MYO1H: variants seen among roughly 807,000 people sequenced by gnomAD.
MYO1H encodes myosin IH.
MYO1H carries 118 observed loss-of-function variants against 149.3 expected under a neutral mutation model. The ratio of observed to expected loss-of-function variants is 0.79; its 90% CI spans 0.68 to 0.92. The LOEUF (loss-of-function observed/expected upper bound fraction) is 0.92. Ranked by LOEUF, MYO1H falls within the 40% of genes least tolerant of loss-of-function variation. The pLI is 0.00. For missense variants in MYO1H, 1,212 were observed against 1,280.7 expected (o/e 0.95, Z 0.82); for synonymous variants, 447 against 465.2 (o/e 0.96, Z 0.50).
intron 31 of MYO1H, 101 bp from the exon 32 acceptor site, chr12:109,447,058 C>T (rs1872513848): frequency 6.4e-6 from 8 of 1,242,914 alleles, no homozygotes; most frequent in African/African-American, 1.5e-5. Context: ...ACAGGCCCTC[C>T]ACACCCACCT....
chr12:109,415,954 T>TTTATTTTA (rs1409329799), intron 15 of MYO1H, among the ~76,000 whole-genome samples: 1 of 148,822 alleles, frequency 6.7e-6, no homozygotes, highest in Non-Finnish European at 1.5e-5. Flanking sequence ...TTTATTTTAT[T>TTTATTTTA]TATTTTGAGA....
chr12:109,352,707 C>CT (rs1387363929), intron 1 of MYO1H, among the ~76,000 whole-genome samples: 10 of 152,208 alleles, frequency 6.6e-5, no homozygotes, highest in African/African-American at 2.2e-4. Context: ...TATTTTTCAT[C>CT]TATCTATCCC....
chr12:109,438,260 A>C (rs1185041575), intron 22 of MYO1H, among the ~76,000 whole-genome samples: 1 of 152,078 alleles, frequency 6.6e-6, no homozygotes, highest in Non-Finnish European at 1.5e-5. Context: ...CTGTGGCTGA[A>C]AAAGACCCTG....
the MYO1H span, among the ~76,000 whole-genome samples, chr12:109,338,525 T>C: frequency 1.9e-3 from 285 of 152,182 alleles, no homozygotes; most frequent in Non-Finnish European, 1.8e-3. Flanking sequence ...CCCAGCACTT[T>C]GGAGGGCCAA....
At chr12:109,446,658 G>C (rs1392434707) in intron 31 of MYO1H, among the ~76,000 whole-genome samples, 2 of 152,168 alleles carry the variant, frequency 1.3e-5, no homozygotes, top group African/African-American at 4.8e-5. Flanking sequence ...AGATACTCAG[G>C]GAGGCTGAGG....
chr12:109,438,086 T>TAAAAAAAA (rs58487735), intron 22 of MYO1H, among the ~76,000 whole-genome samples: 3 of 96,910 alleles, frequency 3.1e-5, no homozygotes, highest in Non-Finnish European at 2.0e-5. Flanking sequence ...AGGCTCTGTC[T>TAAAAAAAA]AAAAAAAAAA....
intron 14 of MYO1H, among the ~76,000 whole-genome samples, chr12:109,414,129 T>A (rs1261482435): frequency 2.0e-5 from 3 of 152,124 alleles, no homozygotes; most frequent in African/African-American, 7.2e-5. Flanking sequence ...ACGCTTAGAA[T>A]ATATGTGTGC....
chr12:109,346,032 A>G (rs747991879), upstream of MYO1H, among the ~76,000 whole-genome samples: 5 of 152,206 alleles, frequency 3.3e-5, no homozygotes, highest in Non-Finnish European at 5.9e-5. Context: ...TGATGATTGC[A>G]CAACATTGTG....
At chr12:109,430,180 GAGCAGGCTCTAGGGCA>G in intron 19 of MYO1H, among the ~76,000 whole-genome samples, 1 of 152,264 alleles carries the variant, frequency 6.6e-6, no homozygotes, top group Non-Finnish European at 1.5e-5. Context: ...CTGGAGGTGG[GAGCAGGCTCTAGGGCA>G]AGCTGAGAGG....
chr12:109,369,155 T>C (rs955181480), intron 1 of MYO1H, among the ~76,000 whole-genome samples: 1 of 152,098 alleles, frequency 6.6e-6, no homozygotes, highest in African/African-American at 2.4e-5. Context: ...ACCTGGCTAA[T>C]TTTTGTACTT....
chr12:109,427,753 A>G (rs1278623632), intron 19 of MYO1H, among the ~76,000 whole-genome samples, 167 bp downstream of exon 19: 2 of 147,304 alleles, frequency 1.4e-5, no homozygotes, highest in Non-Finnish European at 1.5e-5. Flanking sequence ...GAACATAAAA[A>G]CCCAACTCTG....
At chr12:109,366,074 C>T (rs1391365375) in intron 1 of MYO1H, among the ~76,000 whole-genome samples, 1 of 152,158 alleles carries the variant, frequency 6.6e-6, no homozygotes, top group African/African-American at 2.4e-5. Flanking sequence ...TGAAACCATT[C>T]CCTCCCTCTT....
At chr12:109,444,271 C>G (rs777692836) in exon 29 of MYO1H, 1 of 1,613,620 alleles carries the variant, frequency 6.2e-7, no homozygotes, top group African/African-American at 1.3e-5. Flanking sequence ...CACCAGAGGA[C>G]AGCAAGCAAA....
intron 15 of MYO1H, among the ~76,000 whole-genome samples, chr12:109,417,494 A>C (rs1172444823): frequency 6.6e-6 from 1 of 151,610 alleles, no homozygotes; most frequent in East Asian, 2.0e-4. Flanking sequence ...CACCTGGATA[A>C]TTTTTTGCAT....
At chr12:109,348,643 A>G (rs950057196) in intron 1 of MYO1H, among the ~76,000 whole-genome samples, 1 of 152,228 alleles carries the variant, frequency 6.6e-6, no homozygotes, top group Non-Finnish European at 1.5e-5. Flanking sequence ...TCCTGGGAAG[A>G]TGGAAGACAG....
At chr12:109,366,894 A>G (rs1868877034) in intron 1 of MYO1H, among the ~76,000 whole-genome samples, 1 of 152,194 alleles carries the variant, frequency 6.6e-6, no homozygotes, top group African/African-American at 2.4e-5. Context: ...AAACTTTATG[A>G]GTGCCCACTT....
chr12:109,445,418 CTAG>C, intron 30 of MYO1H, 92 bp from the exon 31 acceptor site: 1 of 897,500 alleles, frequency 1.1e-6, no homozygotes, highest in Non-Finnish European at 1.7e-6. Context: ...GATCTTGAAA[CTAG>C]TAGAATTTAA....
At chr12:109,314,431 AAC>A in the MYO1H span, among the ~76,000 whole-genome samples, 1 of 152,188 alleles carries the variant, frequency 6.6e-6, no homozygotes, top group Non-Finnish European at 1.5e-5. Context: ...ATGATATATT[AAC>A]ACAGTGATTC....
chr12:109,399,962 C>T (rs73192593), intron 5 of MYO1H, among the ~76,000 whole-genome samples: 5,555 of 152,226 alleles, frequency 0.036, 129 homozygotes, highest in Middle Eastern at 0.065. Context: ...CCCCAACACA[C>T]TCCCCCTTCC....
Sources: allele counts gnomAD v4.1 joint callset (sites outside exome capture counted in the v4.1 genomes callset), GRCh38; gene constraint gnomAD v4.1.1; transcripts MANE v1.5; gene names NCBI Gene and HGNC (gene_info 2026-07-23, HGNC 2026-07-21).